The following TP63 variants were observed in gnomAD, a reference collection of about 807,000 sequenced individuals.
TP63 encodes tumor protein 63.
A neutral mutation model predicts 82.8 loss-of-function variants in TP63; 17 were observed. The observed-to-expected ratio is 0.21, with a 90% CI of 0.14 to 0.31. The LOEUF is 0.31. TP63 is among the 10% of genes least tolerant of loss of function. The pLI, the probability that TP63 is intolerant of heterozygous loss-of-function variation, is 1.00. For missense variants in TP63, 648 were observed against 895.3 expected, an observed-to-expected ratio of 0.72 and a Z score of 3.52; for synonymous variants, 330 against 321.7, an observed-to-expected ratio of 1.03 and a Z score of -0.28.
At chr3:189,878,398 T>C (rs1719483184) in intron 10 of TP63, among the ~76,000 whole-genome samples, 1 of 143,672 alleles carries the variant, frequency 7.0e-6, no homozygotes, top group Non-Finnish European at 1.5e-5. Flanking sequence ...TTTTTTTTTT[T>C]TTTTTTTTGA....
In TP63 at chr3:189,736,409, G is replaced by C. The variant is rs572177569; in HGVS notation, c.63-1331G>C. Among the ~76,000 whole-genome samples, 77 of 152,104 alleles carry C rather than the reference G, an allele frequency of 5.1e-4. 1 individual carries two copies. Among genetic ancestry groups the C allele is most frequent in the African/African-American group, 1.8e-3 (75 of 41,534 alleles). The stretch of plus-strand genomic sequence containing the variant: ...GTGTTTTGTTTATGCTGTTGTCATA[G>C]AGTGCCCACTGTGTACCATTAGCTC... On this transcript the variant is annotated intron_variant, in intron 1 of 13. Coordinates refer to ENST00000264731, the MANE Select transcript of TP63 (RefSeq NM_003722.5).
chr3:189,612,702 A>G, the TP63 span, among the ~76,000 whole-genome samples: 2 of 152,206 alleles, frequency 1.3e-5, no homozygotes, highest in African/African-American at 2.4e-5. Context: ...GGAACTTCCT[A>G]GAGACTTGTT....
At chr3:189,639,532 T>C (rs1711621612) in intron 1 of TP63, among the ~76,000 whole-genome samples, 2 of 152,138 alleles carry the variant, frequency 1.3e-5, no homozygotes, top group South Asian at 4.1e-4. Flanking sequence ...ATGTAAGGGC[T>C]CAAAATCTCT....
intron 3 of TP63, chr3:189,789,982 T>A: frequency 1.3e-6 from 1 of 776,916 alleles, no homozygotes; most frequent in Non-Finnish European, 1.8e-6. Context: ...TTTTCTTGGT[T>A]AATGTTTTCT....
At chr3:189,856,396 G>C (rs1716295037) in intron 4 of TP63, among the ~76,000 whole-genome samples, 1 of 151,754 alleles carries the variant, frequency 6.6e-6, no homozygotes, top group Non-Finnish European at 1.5e-5. Flanking sequence ...TAGCTAAGAA[G>C]TACCTAGAAG....
intron 9 of TP63, among the ~76,000 whole-genome samples, chr3:189,872,292 TTG>T: frequency 6.6e-6 from 1 of 152,192 alleles, no homozygotes; most frequent in Middle Eastern, 3.4e-3. Context: ...ACTTCGTTTG[TTG>T]TGTGTTTCTG....
intron 3 of TP63, among the ~76,000 whole-genome samples, chr3:189,776,320 G>A (rs148847797): frequency 1.2e-3 from 182 of 152,276 alleles, no homozygotes; most frequent in African/African-American, 4.2e-3. Context: ...GGAACACCGT[G>A]TTTCCCTCCA....
intron 4 of TP63, among the ~76,000 whole-genome samples, chr3:189,833,674 CTCTCT>C (rs1469131793): frequency 2.1e-5 from 2 of 94,418 alleles, no homozygotes; most frequent in African/African-American, 6.4e-5. Flanking sequence ...AATTTTCTCT[CTCTCT>C]TTTTTTTTTT....
intron 1 of TP63, among the ~76,000 whole-genome samples, chr3:189,679,726 T>A (rs59897638): frequency 0.016 from 2,434 of 152,234 alleles, 73 homozygotes; most frequent in African/African-American, 0.055. Context: ...TAAAGAAGAC[T>A]TTCTCCTGTG....
At chr3:189,846,132 C>A (rs1361082004) in intron 4 of TP63, among the ~76,000 whole-genome samples, 1 of 151,546 alleles carries the variant, frequency 6.6e-6, no homozygotes, top group Non-Finnish European at 1.5e-5. Context: ...TTTTTTTTCC[C>A]CCTTCTCTTT....
At chr3:189,749,663 C>T (rs888806307) in intron 3 of TP63, among the ~76,000 whole-genome samples, 4 of 152,040 alleles carry the variant, frequency 2.6e-5, no homozygotes, top group Admixed American at 2.0e-4. Context: ...CTGTAAAATC[C>T]AGAAATCCCA....
At chr3:189,813,921 C>T (rs1423431538) in intron 4 of TP63, among the ~76,000 whole-genome samples, 1 of 152,072 alleles carries the variant, frequency 6.6e-6, no homozygotes, top group Non-Finnish European at 1.5e-5. Context: ...AGAGAGTGTT[C>T]TTCCTTTGCC....
chr3:189,882,072 A>T (rs1214846464), intron 10 of TP63, among the ~76,000 whole-genome samples: 1 of 151,952 alleles, frequency 6.6e-6, no homozygotes, highest in East Asian at 1.9e-4. Flanking sequence ...AAATCTTTAT[A>T]TTTGAGATAA....
At chr3:189,618,477 C>G in the TP63 span, among the ~76,000 whole-genome samples, 1 of 152,178 alleles carries the variant, frequency 6.6e-6, no homozygotes, top group South Asian at 2.1e-4. Context: ...GCAGGTCAAG[C>G]CCCCTGGCTG....
intron 3 of TP63, among the ~76,000 whole-genome samples, chr3:189,772,765 G>C (rs990963258): frequency 6.6e-6 from 1 of 152,180 alleles, no homozygotes; most frequent in African/African-American, 2.4e-5. Flanking sequence ...CGAGTCTGCT[G>C]CTTCTAGAGG....
chr3:189,886,545 G>A lies in TP63; in HGVS notation c.1501G>A (p.Ala501Thr). ...TPTTIPDGMG[A>T]NIPMMGTHMP... The stretch of plus-strand genomic sequence containing the variant: ...TACAACCATTCCTGATGGCATGGGA[G>A]CCAACAGTAAGAGCATCTCCTTTTA... The change falls in exon 11 of 14, where the codon GCC (alanine) becomes ACC (threonine). Residue 501 changes from alanine to threonine, a missense_variant. By Grantham distance (58) the Ala-to-Thr change is moderately conservative. This residue lies in a region of TP63 where 342 missense variants were observed against 425.7 expected (regional missense o/e 0.80). Transcript: ENST00000264731. 1 of 1,614,032 alleles carries A rather than the reference G, an allele frequency of 6.2e-7. No homozygotes were observed. Among genetic ancestry groups the A allele is most frequent in the Non-Finnish European group, 8.5e-7 (1 of 1,179,996 alleles).
At chr3:189,725,167 T>C (rs1719681643) in intron 1 of TP63, among the ~76,000 whole-genome samples, 1 of 152,224 alleles carries the variant, frequency 6.6e-6, no homozygotes, top group African/African-American at 2.4e-5. Context: ...CAATTTTGTG[T>C]ATTTAATTTA....
intron 3 of TP63, among the ~76,000 whole-genome samples, chr3:189,740,945 C>T (rs1720937471): frequency 6.6e-6 from 1 of 152,188 alleles, no homozygotes; most frequent in African/African-American, 2.4e-5. Flanking sequence ...ACTTCTTACA[C>T]AGTGTCATAG....
At chr3:189,870,860 G>A (rs1718336290) in intron 9 of TP63, among the ~76,000 whole-genome samples, 1 of 152,128 alleles carries the variant, frequency 6.6e-6, no homozygotes, top group African/African-American at 2.4e-5. Flanking sequence ...CTACTACCCT[G>A]GGATTGAACT....
Sources: allele counts gnomAD v4.1 joint callset (sites outside exome capture counted in the v4.1 genomes callset), GRCh38; gene constraint gnomAD v4.1.1; regional missense constraint gnomAD v4.1.1; transcripts MANE v1.5; gene names NCBI Gene and HGNC (gene_info 2026-07-23, HGNC 2026-07-21).